PDZD2: variants seen among roughly 807,000 people sequenced by gnomAD.
PDZD2 encodes PDZ domain containing 2, also known as PDZ domain-containing protein 2.
Under a neutral mutation model 220.7 loss-of-function variants are expected in PDZD2, and 90 were observed. The ratio of observed to expected loss-of-function variants is 0.41; its 90% CI spans 0.34 to 0.49. The LOEUF is 0.49. Among genes scored for constraint, PDZD2 ranks in the 20% least tolerant of loss-of-function variants. PDZD2 has a pLI of 0.28. For missense variants in PDZD2, 3,174 were observed against 3,608.5 expected, an observed-to-expected ratio of 0.88 and a Z score of 3.08; for synonymous variants, 1,375 against 1,450.5, an observed-to-expected ratio of 0.95 and a Z score of 1.18.
At chr5:31,980,055 C>T (rs6450884) in intron 2 of PDZD2, among the ~76,000 whole-genome samples, 143,263 of 152,314 alleles carry the variant, frequency 0.94, 67,618 homozygotes, top group South Asian at 0.99. Context: ...TTTTTAAAAA[C>T]CGAGACATAT....
intron 1 of PDZD2, among the ~76,000 whole-genome samples, chr5:31,741,373 TTTAA>T (rs889230795): frequency 2.7e-5 from 4 of 147,624 alleles, no homozygotes; most frequent in African/African-American, 9.9e-5. Context: ...TTTTTTTTTT[TTTAA>T]AAAGGCTCCT....
intron 1 of PDZD2, among the ~76,000 whole-genome samples, chr5:31,672,723 G>A (rs1486058454): frequency 6.6e-6 from 1 of 152,202 alleles, no homozygotes; most frequent in Non-Finnish European, 1.5e-5. Flanking sequence ...GACAGGCACA[G>A]GTCTGCCAAC....
chr5:31,780,222 G>A (rs1488017574), intron 1 of PDZD2, among the ~76,000 whole-genome samples: 2 of 152,080 alleles, frequency 1.3e-5, no homozygotes, highest in African/African-American at 4.8e-5. Flanking sequence ...AAGGCGGCAG[G>A]AAAAGTCAAG....
intron 1 of PDZD2, among the ~76,000 whole-genome samples, chr5:31,721,535 T>TC (rs1234450772): frequency 1.3e-3 from 188 of 147,942 alleles, no homozygotes; most frequent in East Asian, 3.0e-3. Context: ...TTTTTTTTTT[T>TC]TTAGAAAAAG....
chr5:32,077,485 T>C lies in PDZD2; in HGVS notation c.3561T>C (p.Thr1187=), dbSNP rs765610494. The change falls in exon 19 of 25, where the codon ACT becomes ACC. Residue 1187 remains threonine, a synonymous_variant. Transcript: ENST00000438447. ...AGGAATCTCTGGGAAAGCTGACCACTGGAGATGCTTGTGTCTCTACCAGCT... is the reference window on the plus strand; with the variant it reads ...AGGAATCTCTGGGAAAGCTGACCACCGGAGATGCTTGTGTCTCTACCAGCT... ...VEKESLGKLT[T]GDACVSTSCE... is the part of the protein sequence containing the mutation. 7.5e-5 allele frequency: 121 copies of C among 1,613,920 alleles called. No homozygotes were observed. Among genetic ancestry groups the C allele is most frequent in the Middle Eastern group, 1.7e-4 (1 of 5,992 alleles).
intron 23 of PDZD2, among the ~76,000 whole-genome samples, chr5:32,099,020 G>T (rs1744004137): frequency 6.6e-6 from 1 of 152,202 alleles, no homozygotes; most frequent in African/African-American, 2.4e-5. Flanking sequence ...TTATCCTTGG[G>T]AAACAGCAAG....
chr5:31,658,881 A>G (rs1745657251), intron 1 of PDZD2, among the ~76,000 whole-genome samples: 1 of 151,994 alleles, frequency 6.6e-6, no homozygotes, highest in Non-Finnish European at 1.5e-5. Context: ...ATCATCCCAA[A>G]GTGCTGGGAT....
intron 17 of PDZD2, among the ~76,000 whole-genome samples, chr5:32,073,137 C>T (rs1188871179): frequency 1.3e-5 from 2 of 152,062 alleles, no homozygotes; most frequent in Admixed American, 6.6e-5. Flanking sequence ...TAATTTCTAA[C>T]ATCTGAAGAA....
intron 2 of PDZD2, among the ~76,000 whole-genome samples, chr5:31,930,467 G>A (rs1342632235): frequency 6.6e-6 from 1 of 152,104 alleles, no homozygotes; most frequent in East Asian, 2.0e-4. Context: ...CCAAAGTGCT[G>A]GGATTACAGG....
intron 14 of PDZD2, among the ~76,000 whole-genome samples, chr5:32,063,711 CAAG>C (rs961237577): frequency 6.6e-6 from 1 of 152,252 alleles, no homozygotes; most frequent in African/African-American, 2.4e-5. Context: ...GAATGTATCT[CAAG>C]AAACTTGCAG....
At chr5:31,729,520 G>A (rs1385659088) in intron 1 of PDZD2, among the ~76,000 whole-genome samples, 2 of 152,192 alleles carry the variant, frequency 1.3e-5, no homozygotes, top group African/African-American at 4.8e-5. Flanking sequence ...CACACTGCCT[G>A]TATAGGGTGG....
At chr5:31,725,991 G>A (rs564674773) in intron 1 of PDZD2, 12 of 494,982 alleles carry the variant, frequency 2.4e-5, no homozygotes, top group Non-Finnish European at 4.3e-5. Flanking sequence ...GATACTCCTG[G>A]GTCTTCCCTG....
In PDZD2 at chr5:31,992,398, G is replaced by A. The variant is rs1366145372; in HGVS notation, c.979-3178G>A. On this transcript the variant is annotated intron_variant, in intron 3 of 24. Coordinates refer to ENST00000438447, the MANE Select transcript of PDZD2 (RefSeq NM_178140.4). ...GGGCAGGCAAGTGGAGTGGAAATGTGGGTGCTCTTGATGGAAAGTGTCTTG... is the reference window on the plus strand; with the variant it reads ...GGGCAGGCAAGTGGAGTGGAAATGTAGGTGCTCTTGATGGAAAGTGTCTTG... Among the ~76,000 whole-genome samples the A allele has an allele frequency of 7.3e-5, 11 of 151,380 alleles. No homozygotes were observed. The Admixed American group carries it at 7.3e-4, about 10-fold the overall frequency.
chr5:31,712,707 G>A (rs948747896), intron 1 of PDZD2, among the ~76,000 whole-genome samples: 18 of 152,134 alleles, frequency 1.2e-4, no homozygotes, highest in African/African-American at 4.1e-4. Flanking sequence ...CGGATTGAAA[G>A]GAGTGGAGGA....
rs528497842 is a variant in PDZD2 at position 31,641,573 on chromosome 5, AT to A, written c.-361+2138del. Among the ~76,000 whole-genome samples the A allele has an allele frequency of 1.7e-3, 262 of 151,012 alleles. 1 individual carries two copies. Among genetic ancestry groups the A allele is most frequent in the African/African-American group, 6.1e-3 (249 of 40,926 alleles). The stretch of plus-strand genomic sequence containing the variant: ...TTTTTTTTTTTTGAGACTGGGTCTC[AT>A]TGTTGCCCAGACTCAAGCAATCCTC... On this transcript the variant is annotated intron_variant, in intron 1 of 24. Coordinates refer to ENST00000438447, the MANE Select transcript of PDZD2 (RefSeq NM_178140.4).
intron 2 of PDZD2, among the ~76,000 whole-genome samples, chr5:31,934,784 A>G: frequency 6.6e-6 from 1 of 151,992 alleles, no homozygotes; most frequent in Non-Finnish European, 1.5e-5. Context: ...AAATGAATAT[A>G]CTAAAAAACA....
chr5:31,710,951 C>A (rs387444), intron 1 of PDZD2, among the ~76,000 whole-genome samples: 34,489 of 151,984 alleles, frequency 0.23, 4,317 homozygotes, highest in East Asian at 0.39. Flanking sequence ...TAAAATAAAA[C>A]GTACATGTTG....
chr5:31,786,953 A>G (rs1023146168), intron 1 of PDZD2, among the ~76,000 whole-genome samples: 8 of 152,240 alleles, frequency 5.3e-5, no homozygotes, highest in African/African-American at 1.9e-4. Context: ...TTGGTATGAA[A>G]GGATTTGTAA....
At chr5:32,024,298 G>A (rs761347037) in intron 6 of PDZD2, among the ~76,000 whole-genome samples, 1 of 152,198 alleles carries the variant, frequency 6.6e-6, no homozygotes, top group Non-Finnish European at 1.5e-5. Context: ...CATCCCTCAA[G>A]CCGCAAAAGT....
Sources: allele counts gnomAD v4.1 joint callset (sites outside exome capture counted in the v4.1 genomes callset), GRCh38; gene constraint gnomAD v4.1.1; transcripts MANE v1.5; gene names NCBI Gene and HGNC (gene_info 2026-07-23, HGNC 2026-07-21).